The following USF3 variants were observed in gnomAD, a reference collection of about 807,000 sequenced individuals.
The protein encoded by USF3 is upstream transcription factor family member 3, also known as basic helix-loop-helix domain-containing protein USF3.
USF3 carries 29 observed loss-of-function variants against 157.5 expected under a neutral mutation model. The ratio of observed to expected loss-of-function variants is 0.18; its 90% CI spans 0.14 to 0.25. The LOEUF (loss-of-function observed/expected upper bound fraction) is 0.25. USF3 is among the 10% of genes least tolerant of loss of function. The pLI is 1.00. For missense variants in USF3, 2,381 were observed against 2,667.6 expected (o/e 0.89, Z 2.37); for synonymous variants, 893 against 941.4 (o/e 0.95, Z 0.94).
rs1279067192 is a variant in USF3, at chr3:113,656,852, T to A, written c.4830A>T (p.Arg1610Ser). ...IMHQQQDVGSRQQGSGVSSEH... is the reference protein window; with the variant it reads ...IMHQQQDVGSSQQGSGVSSEH... ...CAGATGAAACCCCTGAACCTTGCTGTCTGCTTCCAACATCCTGCTGTTGGT... is the reference window on the plus strand; with the variant it reads ...CAGATGAAACCCCTGAACCTTGCTGACTGCTTCCAACATCCTGCTGTTGGT... Residue 1610 changes from arginine (R) to serine (S), a missense_variant, in exon 7 of 7, where the codon AGA (arginine) becomes AGT (serine). By Grantham distance (110) the Arg-to-Ser change is moderately radical. This residue lies in a region of USF3 where 770 missense variants were observed against 824.2 expected (regional missense o/e 0.93). Coordinates refer to ENST00000316407, the MANE Select transcript of USF3 (RefSeq NM_001009899.4). 10 of 1,614,248 alleles carry A rather than the reference T, an allele frequency of 6.2e-6. No individual in the cohort carries two copies. In the South Asian group the frequency reaches 1.1e-4, roughly 18 times the overall value.
chr3:113,669,545 G>A (rs889432958), intron 5 of USF3, among the ~76,000 whole-genome samples: 11 of 151,714 alleles, frequency 7.3e-5, no homozygotes, highest in African/African-American at 2.4e-4. Flanking sequence ...TGTGCCTTTC[G>A]TATTGTTTCA....
chr3:113,695,691 G>A (rs149368003), intron 1 of USF3, among the ~76,000 whole-genome samples: 1 of 152,288 alleles, frequency 6.6e-6, no homozygotes, highest in African/African-American at 2.4e-5. Context: ...TAACGAGGAG[G>A]GTTGGGAGGA....
chr3:113,690,335 C>A (rs1283366555), intron 1 of USF3, among the ~76,000 whole-genome samples: 4 of 152,214 alleles, frequency 2.6e-5, no homozygotes, highest in Admixed American at 2.6e-4. Context: ...GCCTTTCTCC[C>A]ATTTGATGGA....
rs754672608 is a variant in USF3 at position 113,656,757 on chromosome 3, G to A, written c.4925C>T (p.Ser1642Phe). Residue 1642 changes from serine (S) to phenylalanine (F), a missense_variant, in exon 7 of 7, where the codon TCC (serine) becomes TTC (phenylalanine). This residue lies in a region of USF3 where 770 missense variants were observed against 824.2 expected (regional missense o/e 0.93). Coordinates refer to ENST00000316407, the MANE Select transcript of USF3 (RefSeq NM_001009899.4). ...TSRGLEQQMV[S>F]QPSIVTRSSD... ...AGATCTAGTCACAATACTTGGTTGG[G>A]ACACCATTTGCTGCTCTAAGCCTCT... 6.2e-7 allele frequency: 1 copy of A among 1,614,154 alleles called. No homozygotes were observed. The highest frequency in any genetic ancestry group is 8.5e-7 in the Non-Finnish European group (1 of 1,180,044).
At chr3:113,693,179 C>T (rs1221866826) in intron 1 of USF3, among the ~76,000 whole-genome samples, 1 of 152,024 alleles carries the variant, frequency 6.6e-6, no homozygotes, top group Non-Finnish European at 1.5e-5. Context: ...TTATTAACTG[C>T]CTAGTAATCA....
rs1270200832 is a variant in USF3, at chr3:113,696,547, C to T, written c.-312G>A. The T allele has an allele frequency of 6.6e-6, 1 of 151,826 alleles. No homozygotes were observed. Among genetic ancestry groups the T allele is most frequent in the Non-Finnish European group, 1.5e-5 (1 of 67,904 alleles). The allele number at this position is 151,826 out of a possible 1,614,324, so 9.4% of individuals were successfully genotyped here. The stretch of plus-strand genomic sequence containing the variant: ...GCGCGGGCCCAGGCCCTCCTCTCCC[C>T]CCGCCCCCGCCGCCTCTTTTTGCGG... On this transcript the variant is annotated 5_prime_UTR_variant, in exon 1 of 7. Transcript: ENST00000316407.
At chr3:113,665,848 G>A (rs912915860) in intron 5 of USF3, among the ~76,000 whole-genome samples, 1 of 150,794 alleles carries the variant, frequency 6.6e-6, no homozygotes, top group Non-Finnish European at 1.5e-5. Context: ...ACAAACAAAC[G>A]AACATACAGA....
chr3:113,668,616 C>T (rs1707067339), intron 5 of USF3, among the ~76,000 whole-genome samples: 1 of 151,448 alleles, frequency 6.6e-6, no homozygotes, highest in Non-Finnish European at 1.5e-5. Flanking sequence ...ATGAAAAAAA[C>T]AGCTTCAAGT....
At chr3:113,676,278 G>A (rs1271128363) in intron 2 of USF3, among the ~76,000 whole-genome samples, 2 of 152,152 alleles carry the variant, frequency 1.3e-5, no homozygotes, top group African/African-American at 4.8e-5. Context: ...TACTGTGTTA[G>A]TCCATTGTCA....
chr3:113,668,440 G>GA (rs536844731), intron 5 of USF3, among the ~76,000 whole-genome samples: 2 of 140,748 alleles, frequency 1.4e-5, no homozygotes, highest in Non-Finnish European at 3.1e-5. Flanking sequence ...CCAAGAAAAT[G>GA]AAAAAATTAA....
intron 1 of USF3, among the ~76,000 whole-genome samples, chr3:113,681,654 G>A (rs559224151): frequency 2.1e-5 from 3 of 145,146 alleles, no homozygotes; most frequent in South Asian, 2.2e-4. Context: ...CGCCTGCTTC[G>A]GCCTCCCAAA....
chr3:113,659,432 A>G lies in USF3; in HGVS notation c.2250T>C (p.Cys750=). The G allele has an allele frequency of 6.2e-7, 1 of 1,614,250 alleles. No individual in the cohort carries two copies. Among genetic ancestry groups the G allele is most frequent in the East Asian group, 2.2e-5 (1 of 44,896 alleles). The change falls in exon 7 of 7, where the codon TGT becomes TGC. Residue 750 remains cysteine (C), a synonymous_variant. Transcript: ENST00000316407. ...AANSQTTTAN[C]VSLTTTAAPP... ...GTGCTGCAGTTGTTGTTAATGAAAC[A>G]CAGTTAGCTGTAGTGGTTTGACTAT...
rs770615647 is a variant in USF3, at chr3:113,660,285, G to A, written c.1397C>T (p.Thr466Ile). The A allele has an allele frequency of 3.7e-6, 6 of 1,614,046 alleles. No homozygotes were observed. In the African/African-American group the frequency reaches 8.0e-5, roughly 22 times the overall value. ...CACATATCTACTGTGGTTGCTTGTGGTGGGGCTAGTACCAGACTCATTTAA... is the reference window on the plus strand; with the variant it reads ...CACATATCTACTGTGGTTGCTTGTGATGGGGCTAGTACCAGACTCATTTAA... ...PVLNESGTSPTTSNHSRYVAT... is the reference protein window; with the variant it reads ...PVLNESGTSPITSNHSRYVAT... Residue 466 changes from threonine to isoleucine, a missense_variant, in exon 7 of 7, where the codon ACC becomes ATC. By Grantham distance (89) the Thr-to-Ile change is moderately conservative. Coordinates refer to ENST00000316407, the MANE Select transcript of USF3 (RefSeq NM_001009899.4).
rs549123465 is a variant in USF3, at chr3:113,649,843, G to A, written c.*5101C>T. ...TGGTGTCCCCCCTCCACAGGTTCTA[G>A]TAGAAACCTACGCATGAAGAATAGA... On this transcript the variant is annotated 3_prime_UTR_variant, in exon 7 of 7. Transcript: ENST00000316407. The A allele has an allele frequency of 1.9e-4, 132 of 702,780 alleles. No individual in the cohort carries two copies. Among genetic ancestry groups the A allele is most frequent in the Non-Finnish European group, 3.1e-4 (121 of 384,942 alleles). The allele number at this position is 702,780 out of a possible 1,614,324, so 43.5% of individuals were successfully genotyped here. A position where few individuals can be genotyped will look rare whatever the true frequency, so the allele number is the denominator to read the frequency against.
intron 1 of USF3, among the ~76,000 whole-genome samples, chr3:113,679,461 T>C (rs913756622): frequency 1.7e-4 from 26 of 148,736 alleles, no homozygotes; most frequent in Non-Finnish European, 3.0e-4. Flanking sequence ...TCACCCAGCC[T>C]GGAGTACAGT....
rs1947345798 is a variant in USF3 at position 113,655,792 on chromosome 3, C to T, written c.5890G>A (p.Gly1964Ser). ...GAATTAGCTTGACGTACAGCAGGGC[C>T]TTGATCGCCATTTCCATGAGACACA... is the stretch of plus-strand genomic sequence containing the variant. ...PSVSHGNGDQ[G>S]PAVRQANSSV... Residue 1964 changes from glycine to serine, a missense_variant, in exon 7 of 7, where the codon GGC becomes AGC. Gly to Ser is a moderately conservative substitution (Grantham distance 56). Coordinates refer to ENST00000316407, the MANE Select transcript of USF3 (RefSeq NM_001009899.4). 1 of 1,614,022 alleles carries T rather than the reference C, an allele frequency of 6.2e-7. No individual in the cohort carries two copies. The highest frequency in any genetic ancestry group is 1.1e-5 in the South Asian group (1 of 91,080).
intron 6 of USF3, 21 bp from the exon 7 acceptor site, chr3:113,661,446 AT>A (rs1408044956): frequency 6.7e-6 from 9 of 1,350,594 alleles, no homozygotes; most frequent in Non-Finnish European, 9.1e-6. Context: ...AAAAACAAAA[AT>A]TTATAAATAC....
In USF3 at chr3:113,657,222, TG is replaced by T; in HGVS notation, c.4459del (p.His1487ThrfsTer145). 1 of 1,613,906 alleles carries T rather than the reference TG, an allele frequency of 6.2e-7. No individual in the cohort carries two copies. Among genetic ancestry groups the T allele is most frequent in the Non-Finnish European group, 8.5e-7 (1 of 1,179,988 alleles). ...QQAGQLRERHHLYQMQHHVPH... is the reference protein window; with the variant it reads ...QQAGQLRERHXLYQMQHHVPH... ...TACATGATGCTGCATTTGATATAAG[TG>T]ATGCCTCTCTCTTAACTGCCCTGCT... On this transcript the variant is annotated frameshift_variant, in exon 7 of 7. Coordinates refer to ENST00000316407, the MANE Select transcript of USF3 (RefSeq NM_001009899.4). LOFTEE classifies it high-confidence loss of function.
intron 3 of USF3, 81 bp downstream of exon 3, chr3:113,674,751 G>T: frequency 9.4e-7 from 1 of 1,063,206 alleles, no homozygotes; most frequent in Non-Finnish European, 1.5e-6. Context: ...GTTCTCTAAG[G>T]ACTACCTATG....
Sources: gnomAD v4.1 joint callset for allele counts (sites outside exome capture counted in the v4.1 genomes callset) on GRCh38, gnomAD v4.1.1 for gene constraint, gnomAD v4.1.1 regional missense constraint, MANE v1.5 for transcripts, NCBI Gene and HGNC (gene_info 2026-07-23, HGNC 2026-07-21) for gene names.